Variants in GPC6 observed in about 807,000 individuals in gnomAD.
GPC6 encodes the protein glypican 6.
In GPC6, 14 loss-of-function variants were observed where a neutral mutation model predicts 55.2. The observed-to-expected ratio is 0.25, with a 90% confidence interval of 0.17 to 0.40. The LOEUF is 0.40. GPC6 is among the 10% of genes least tolerant of loss of function. GPC6 has a pLI of 1.00. For missense variants in GPC6, 641 were observed against 708.5 expected (o/e 0.90, Z 1.08); for synonymous variants, 278 against 259.6 (o/e 1.07, Z -0.68).
chr13:93,476,740 A>G (rs993573000), intron 1 of GPC6, among the ~76,000 whole-genome samples: 11 of 152,276 alleles, frequency 7.2e-5, no homozygotes, highest in South Asian at 4.1e-4. Flanking sequence ...TATTTATCCA[A>G]TATTAAATGA....
intron 1 of GPC6, among the ~76,000 whole-genome samples, chr13:93,488,368 A>C (rs978047261): frequency 3.9e-5 from 6 of 152,128 alleles, no homozygotes; most frequent in Non-Finnish European, 8.8e-5. Flanking sequence ...CTAGTCTATC[A>C]TTGATGGACA....
chr13:93,921,990 A>G (rs1357779938), intron 3 of GPC6, among the ~76,000 whole-genome samples: 1 of 152,154 alleles, frequency 6.6e-6, no homozygotes, highest in Admixed American at 6.5e-5. Flanking sequence ...AAAATACTCA[A>G]TAGATATTTG....
intron 3 of GPC6, among the ~76,000 whole-genome samples, chr13:93,951,060 G>T (rs1879232006): frequency 6.6e-6 from 1 of 151,960 alleles, no homozygotes; most frequent in South Asian, 2.1e-4. Flanking sequence ...ATAATATTTT[G>T]TCTTGTATTA....
intron 1 of GPC6, among the ~76,000 whole-genome samples, chr13:93,330,035 A>C (rs1566302278): frequency 6.6e-6 from 1 of 152,236 alleles, no homozygotes; most frequent in Non-Finnish European, 1.5e-5. Flanking sequence ...ATTGAACAAG[A>C]ATAAAGACCA....
At chr13:94,015,610 A>G (rs1245346784) in intron 3 of GPC6, among the ~76,000 whole-genome samples, 1 of 152,076 alleles carries the variant, frequency 6.6e-6, no homozygotes, top group African/African-American at 2.4e-5. Flanking sequence ...GATTTACCCC[A>G]TATGTTTCTT....
At chr13:93,452,768 G>A (rs957224069) in intron 1 of GPC6, among the ~76,000 whole-genome samples, 3 of 151,998 alleles carry the variant, frequency 2.0e-5, no homozygotes, top group Non-Finnish European at 2.9e-5. Flanking sequence ...AAGCATTGGT[G>A]TATATTACAT....
chr13:93,234,462 G>A (rs1876165346), intron 1 of GPC6, among the ~76,000 whole-genome samples: 1 of 152,144 alleles, frequency 6.6e-6, no homozygotes, highest in South Asian at 2.1e-4. Context: ...ATTGGATACA[G>A]TTTTGAAATA....
At chr13:93,861,902 G>T (rs960637612) in intron 3 of GPC6, among the ~76,000 whole-genome samples, 1 of 151,632 alleles carries the variant, frequency 6.6e-6, no homozygotes, top group African/African-American at 2.4e-5. Flanking sequence ...GGTTATGCTT[G>T]CCTCTCTGCG....
At chr13:94,324,029 G>C (rs908130605) in intron 6 of GPC6, among the ~76,000 whole-genome samples, 1 of 152,198 alleles carries the variant, frequency 6.6e-6, no homozygotes, top group Non-Finnish European at 1.5e-5. Context: ...TTCCGGCATT[G>C]TTGTCGAATA....
At position 94,403,451 on chromosome 13, in the gene GPC6, G is replaced by T; in HGVS notation, c.*234G>T. 1 of 539,540 alleles carries T rather than the reference G, an allele frequency of 1.9e-6. No homozygotes were observed. Among genetic ancestry groups the T allele is most frequent in the Non-Finnish European group, 3.3e-6 (1 of 300,214 alleles). The allele number at this position is 539,540 out of a possible 1,614,324, so 33.4% of individuals were successfully genotyped here. ...GTGGGGACCTTGTTTATTCTAGAGAGAATTCTTACTCAAATTTTTCGTACC... is the reference window on the plus strand; with the variant it reads ...GTGGGGACCTTGTTTATTCTAGAGATAATTCTTACTCAAATTTTTCGTACC... On this transcript the variant is annotated 3_prime_UTR_variant, in exon 9 of 9. Coordinates refer to ENST00000377047, the MANE Select transcript of GPC6 (RefSeq NM_005708.5).
intron 2 of GPC6, among the ~76,000 whole-genome samples, chr13:93,650,567 A>T (rs1359270230): frequency 6.6e-6 from 1 of 152,208 alleles, no homozygotes; most frequent in Non-Finnish European, 1.5e-5. Context: ...CAGTTTCATG[A>T]TAGAAATGTG....
At chr13:93,705,956 G>C (rs1882836218) in intron 2 of GPC6, among the ~76,000 whole-genome samples, 6 of 151,468 alleles carry the variant, frequency 4.0e-5, no homozygotes, top group Admixed American at 4.0e-4. Flanking sequence ...CAGAAAGATA[G>C]CTGTTGTTTC....
chr13:93,917,624 T>A lies in GPC6; in HGVS notation c.711+87079T>A, dbSNP rs577577014. Among the ~76,000 whole-genome samples the A allele has an allele frequency of 2.6e-5, 4 of 152,288 alleles. No individual in the cohort carries two copies. In the East Asian group the frequency reaches 7.7e-4, roughly 29 times the overall value. On this transcript the variant is annotated intron_variant, in intron 3 of 8. Coordinates refer to ENST00000377047, the MANE Select transcript of GPC6 (RefSeq NM_005708.5). ...AAGAGAACCTGAAAGAATTGTTAGT[T>A]CTGACTCCATGACCTTGTGATTAGA... is the stretch of plus-strand genomic sequence containing the variant.
intron 4 of GPC6, among the ~76,000 whole-genome samples, chr13:94,063,582 T>G (rs1469860420): frequency 6.6e-6 from 1 of 152,224 alleles, no homozygotes; most frequent in African/African-American, 2.4e-5. Context: ...TTTCTCACAG[T>G]GTCCTGTGGA....
chr13:93,392,548 A>G (rs1875671184), intron 1 of GPC6, among the ~76,000 whole-genome samples: 1 of 152,206 alleles, frequency 6.6e-6, no homozygotes, highest in Non-Finnish European at 1.5e-5. Flanking sequence ...GAAAATTACA[A>G]AAGGAAGTCC....
At chr13:93,735,568 G>A (rs1040988972) in intron 2 of GPC6, among the ~76,000 whole-genome samples, 1 of 151,862 alleles carries the variant, frequency 6.6e-6, no homozygotes, top group African/African-American at 2.4e-5. Flanking sequence ...GACAGAGGAT[G>A]ATGAGTAAGG....
chr13:94,313,426 G>T (rs1876360655), intron 6 of GPC6, among the ~76,000 whole-genome samples: 1 of 152,182 alleles, frequency 6.6e-6, no homozygotes, highest in Non-Finnish European at 1.5e-5. Flanking sequence ...TCCCTGAGAA[G>T]CTATTCTTTT....
intron 2 of GPC6, among the ~76,000 whole-genome samples, chr13:93,811,456 A>G: frequency 6.6e-6 from 1 of 152,218 alleles, no homozygotes; most frequent in East Asian, 1.9e-4. Flanking sequence ...CTTGCAGAAA[A>G]TGGCTTGGGT....
chr13:94,135,203 G>C (rs1269063875), intron 4 of GPC6, among the ~76,000 whole-genome samples: 1 of 151,128 alleles, frequency 6.6e-6, no homozygotes, highest in African/African-American at 2.4e-5. Flanking sequence ...ACAGACATGG[G>C]CTACCGGAGC....
Sources: gnomAD v4.1 joint callset for allele counts (sites outside exome capture counted in the v4.1 genomes callset) on GRCh38, gnomAD v4.1.1 for gene constraint, MANE v1.5 for transcripts, NCBI Gene and HGNC (gene_info 2026-07-23, HGNC 2026-07-21) for gene names.